NDUFS4: variants seen among roughly 807,000 people sequenced by gnomAD.
The protein encoded by NDUFS4 is NADH dehydrogenase [ubiquinone] iron-sulfur protein 4, mitochondrial.
A neutral mutation model predicts 24.3 loss-of-function variants in NDUFS4; 28 were observed. That is an observed-to-expected ratio of 1.15 (90% CI 0.85 to 1.58). The LOEUF is 1.58. Among genes scored for constraint, NDUFS4 ranks in the 40% most tolerant of loss-of-function variants. The pLI is 0.00. For missense variants in NDUFS4, 223 were observed against 207.9 expected (o/e 1.07, Z -0.45); for synonymous variants, 93 against 69.7 (o/e 1.34, Z -1.67).
intron 4 of NDUFS4, among the ~76,000 whole-genome samples, chr5:53,668,569 C>T (rs1266802851): frequency 6.6e-6 from 1 of 151,862 alleles, no homozygotes; most frequent in African/African-American, 2.4e-5. Flanking sequence ...AGCGATTCTC[C>T]TGCCTCAGCT....
At chr5:53,603,895 A>G (rs1750412974) in intron 2 of NDUFS4, among the ~76,000 whole-genome samples, 1 of 152,242 alleles carries the variant, frequency 6.6e-6, no homozygotes, top group South Asian at 2.1e-4. Flanking sequence ...AACTAAATAT[A>G]TTAGGTTTTC....
chr5:53,644,280 C>T (rs568437201), intron 2 of NDUFS4, among the ~76,000 whole-genome samples: 2 of 152,206 alleles, frequency 1.3e-5, no homozygotes, highest in East Asian at 3.9e-4. Flanking sequence ...TAACTTACAG[C>T]TCCAGCTTTT....
At chr5:53,576,609 T>C (rs1234998759) in intron 1 of NDUFS4, among the ~76,000 whole-genome samples, 1 of 151,606 alleles carries the variant, frequency 6.6e-6, no homozygotes, top group African/African-American at 2.4e-5. Flanking sequence ...TTGAGTCAGA[T>C]TAAACACACT....
At chr5:53,660,420 TC>T (rs1187736855) in intron 4 of NDUFS4, among the ~76,000 whole-genome samples, 2 of 152,182 alleles carry the variant, frequency 1.3e-5, no homozygotes, top group African/African-American at 4.8e-5. Flanking sequence ...TTGGCTTGAT[TC>T]CAAGTCTTTG....
intron 1 of NDUFS4, among the ~76,000 whole-genome samples, chr5:53,567,411 G>A (rs747164668): frequency 6.6e-6 from 1 of 152,158 alleles, no homozygotes; most frequent in African/African-American, 2.4e-5. Context: ...TACAGTGAGA[G>A]TTACCAAATG....
At chr5:53,600,029 A>G (rs1036884604) in intron 1 of NDUFS4, among the ~76,000 whole-genome samples, 3 of 151,864 alleles carry the variant, frequency 2.0e-5, no homozygotes, top group Non-Finnish European at 4.4e-5. Flanking sequence ...ACGGAGTTTC[A>G]TTCTTTGTTG....
At chr5:53,589,536 C>T in intron 1 of NDUFS4, among the ~76,000 whole-genome samples, 1 of 152,180 alleles carries the variant, frequency 6.6e-6, no homozygotes. Flanking sequence ...AGGTAAGTTA[C>T]GTTCCTACAC....
intron 2 of NDUFS4, among the ~76,000 whole-genome samples, chr5:53,615,238 C>T (rs1026030116): frequency 7.9e-5 from 12 of 151,808 alleles, no homozygotes; most frequent in African/African-American, 2.9e-4. Context: ...AGAATTAATC[C>T]AAATACTTAA....
intron 1 of NDUFS4, among the ~76,000 whole-genome samples, chr5:53,597,854 TCTC>T (rs1750177173): frequency 6.6e-6 from 1 of 152,056 alleles, no homozygotes; most frequent in Non-Finnish European, 1.5e-5. Flanking sequence ...AAAACACGTA[TCTC>T]ATAAAGAACT....
intron 4 of NDUFS4, among the ~76,000 whole-genome samples, chr5:53,660,789 A>G (rs927530286): frequency 5.3e-5 from 8 of 152,162 alleles, no homozygotes; most frequent in African/African-American, 1.9e-4. Context: ...TTGGCTGCAT[A>G]AATGTCTTCT....
intron 3 of NDUFS4, among the ~76,000 whole-genome samples, chr5:53,649,028 A>G (rs529962891): frequency 6.6e-6 from 1 of 152,240 alleles, no homozygotes; most frequent in African/African-American, 2.4e-5. Context: ...ACAATTGATT[A>G]TGGCAAAGGT....
chr5:53,614,232 A>C (rs1333620488), intron 2 of NDUFS4, among the ~76,000 whole-genome samples: 5 of 151,894 alleles, frequency 3.3e-5, no homozygotes, highest in African/African-American at 1.2e-4. Context: ...TCTTTAGATA[A>C]ATAAAATTCT....
chr5:53,565,478 A>G (rs761261451), intron 1 of NDUFS4, among the ~76,000 whole-genome samples: 50 of 152,202 alleles, frequency 3.3e-4, no homozygotes, highest in Admixed American at 7.9e-4. Flanking sequence ...AATGGCTTGC[A>G]TGTAGCAGGT....
At chr5:53,578,702 G>GA (rs1236206361) in intron 1 of NDUFS4, among the ~76,000 whole-genome samples, 1 of 152,116 alleles carries the variant, frequency 6.6e-6, no homozygotes, top group African/African-American at 2.4e-5. Context: ...ATTATAAAAA[G>GA]AACATTATCA....
Position 53,646,317 on chromosome 5 carries a change from C to A in NDUFS4, c.262C>A (p.Gln88Lys), listed in dbSNP as rs1751861748. 6.2e-7 allele frequency: 1 copy of A among 1,613,448 alleles called. No individual in the cohort carries two copies. The highest frequency in any genetic ancestry group is 1.3e-5 in the African/African-American group (1 of 74,966). ...CTTTGTTCCTGCTCGCAATAACATG[C>A]AGTCTGGAGTAAACAACACAAAGAA... The part of the protein sequence containing the change: ...RIFVPARNNM[Q>K]SGVNNTKKWK... Residue 88 changes from glutamine (Q) to lysine (K), a missense_variant, in exon 3 of 5, where the codon CAG becomes AAG. Transcript: ENST00000296684.
In NDUFS4 at chr5:53,646,421, T is replaced by G; in HGVS notation, c.350+16T>G. 6.2e-7 allele frequency: 1 copy of G among 1,611,146 alleles called. No individual in the cohort carries two copies. The highest frequency in any genetic ancestry group is 2.2e-5 in the East Asian group (1 of 44,822). ...GGGCATCAACGTGAGTACTTTATTT[T>G]AATGTGAATATTGTCAGCTATCTTT... On this transcript the variant is annotated intron_variant, in intron 3 of 4. Coordinates refer to ENST00000296684, the MANE Select transcript of NDUFS4 (RefSeq NM_002495.4).
intron 2 of NDUFS4, among the ~76,000 whole-genome samples, chr5:53,624,730 G>A (rs1363043249): frequency 2.6e-5 from 4 of 152,020 alleles, no homozygotes; most frequent in Admixed American, 2.6e-4. Flanking sequence ...GGTTTTTTTG[G>A]TGGAATCTTT....
intron 3 of NDUFS4, among the ~76,000 whole-genome samples, chr5:53,651,281 TGTAATTTTA>T (rs1206571120): frequency 6.6e-6 from 1 of 152,038 alleles, no homozygotes; most frequent in Non-Finnish European, 1.5e-5. Flanking sequence ...AAAAATAGTA[TGTAATTTTA>T]CTGCTTGGAC....
At chr5:53,583,705 G>T (rs1307006959) in intron 1 of NDUFS4, among the ~76,000 whole-genome samples, 1 of 152,126 alleles carries the variant, frequency 6.6e-6, no homozygotes, top group Non-Finnish European at 1.5e-5. Context: ...AATATTATAG[G>T]TATTGTTACA....
Sources: gnomAD v4.1 joint callset for allele counts (sites outside exome capture counted in the v4.1 genomes callset) on GRCh38, gnomAD v4.1.1 for gene constraint, MANE v1.5 for transcripts, NCBI Gene and HGNC (gene_info 2026-07-23, HGNC 2026-07-21) for gene names.